Variants in NHP2 observed in about 807,000 individuals in gnomAD.
NHP2 encodes the protein NHP2 ribonucleoprotein.
Under a neutral mutation model 16.7 loss-of-function variants are expected in NHP2, and 10 were observed. The ratio of observed to expected loss-of-function variants is 0.60; its 90% CI spans 0.37 to 1.01. The LOEUF (loss-of-function observed/expected upper bound fraction) is 1.01. Ranked by LOEUF, NHP2 falls within the 50% of genes least tolerant of loss-of-function variation. The pLI is 0.01. For synonymous variants in NHP2, 87 were observed against 78.9 expected (o/e 1.10, Z -0.54); for missense variants, 184 against 198.3 (o/e 0.93, Z 0.43).
rs200781371 is a variant in NHP2 at position 178,149,702 on chromosome 5, A to G, written c.*11T>C. On this transcript the variant is annotated 3_prime_UTR_variant, in exon 4 of 4. Coordinates refer to ENST00000274606, the MANE Select transcript of NHP2 (RefSeq NM_017838.4). Reference sequence around the variant, plus strand: ...TTCCAGCGGCAGGTGCCCAGGTGCTACCGGAGCCCCTCATAGGGGTAGGGG... The same window carrying G: ...TTCCAGCGGCAGGTGCCCAGGTGCTGCCGGAGCCCCTCATAGGGGTAGGGG... 1 of 1,612,848 alleles carries G rather than the reference A, an allele frequency of 6.2e-7. No homozygotes were observed. Among genetic ancestry groups the G allele is most frequent in the Non-Finnish European group, 8.5e-7 (1 of 1,179,856 alleles).
chr5:178,152,517 T>C (rs1018500783), intron 2 of NHP2, among the ~76,000 whole-genome samples: 2 of 152,160 alleles, frequency 1.3e-5, no homozygotes, highest in African/African-American at 4.8e-5. Context: ...CTTGAGCACC[T>C]ACAGTTTCAC....
chr5:178,153,749 G>A lies in NHP2; in HGVS notation c.69C>T (p.Thr23=), dbSNP rs768774075. The change falls in exon 1 of 4, where the codon ACC becomes ACT. Residue 23 remains threonine (T), a synonymous_variant. Coordinates refer to ENST00000274606, the MANE Select transcript of NHP2 (RefSeq NM_017838.4). ...TCTGGTTGACCAGCAGCTCCTGGTA[G>A]GTGCGCTCCCCGGAACACGCCTCCG... ...AQAEACSGER[T]YQELLVNQNP... 5 of 1,613,564 alleles carry A rather than the reference G, an allele frequency of 3.1e-6. No homozygotes were observed. The highest frequency in any genetic ancestry group is 1.1e-5 in the South Asian group (1 of 91,048).
chr5:178,149,683 C>G lies in NHP2; in HGVS notation c.*30G>C, dbSNP rs766666396. Reference sequence around the variant, plus strand: ...CTGCTGCCAGCCCAATAGCTTCCAGCGGCAGGTGCCCAGGTGCTACCGGAG... The same window carrying G: ...CTGCTGCCAGCCCAATAGCTTCCAGGGGCAGGTGCCCAGGTGCTACCGGAG... On this transcript the variant is annotated 3_prime_UTR_variant, in exon 4 of 4. Transcript: ENST00000274606. 1 of 1,611,440 alleles carries G rather than the reference C, an allele frequency of 6.2e-7. No homozygotes were observed. Among genetic ancestry groups the G allele is most frequent in the Non-Finnish European group, 8.5e-7 (1 of 1,179,608 alleles).
Position 178,151,032 on chromosome 5 carries a change from C to T in NHP2, c.231-39G>A, listed in dbSNP as rs367675388. 45 of 1,556,902 alleles carry T rather than the reference C, an allele frequency of 2.9e-5. No homozygotes were observed. In the African/African-American group the frequency reaches 6.1e-4, roughly 21 times the overall value. ...AAACACTGTCATCTCTGGCTTGCTCCTTCCTTCTTTCAGTTTTAAGTGCTG... is the reference window on the plus strand; with the variant it reads ...AAACACTGTCATCTCTGGCTTGCTCTTTCCTTCTTTCAGTTTTAAGTGCTG... On this transcript the variant is annotated intron_variant, in intron 2 of 3. Transcript: ENST00000274606.
chr5:178,150,944 G>A lies in NHP2; in HGVS notation c.280C>T (p.Leu94Phe). 1.2e-6 allele frequency: 2 copies of A among 1,614,134 alleles called. No homozygotes were observed. The highest frequency in any genetic ancestry group is 1.7e-6 in the Non-Finnish European group (2 of 1,180,024). Reference sequence around the variant, plus strand: ...TTTCGGTCCTCACACATGACTGGGAGATGGCAGTATACCTCAATGGGCAGT... The same window carrying A: ...TTTCGGTCCTCACACATGACTGGGAAATGGCAGTATACCTCAATGGGCAGT... ...DTLPIEVYCHLPVMCEDRNLP... is the reference protein window; with the variant it reads ...DTLPIEVYCHFPVMCEDRNLP... Residue 94 changes from leucine (L) to phenylalanine (F), a missense_variant, in exon 3 of 4, where the codon CTC (leucine) becomes TTC (phenylalanine). By Grantham distance (22) the Leu-to-Phe change is conservative. Coordinates refer to ENST00000274606, the MANE Select transcript of NHP2 (RefSeq NM_017838.4).
chr5:178,150,942 G>T lies in NHP2; in HGVS notation c.282C>A (p.Leu94=). 1 of 1,614,154 alleles carries T rather than the reference G, an allele frequency of 6.2e-7. No homozygotes were observed. The highest frequency in any genetic ancestry group is 8.5e-7 in the Non-Finnish European group (1 of 1,180,024). ...DTLPIEVYCH[L]PVMCEDRNLP... is the part of the protein sequence containing the mutation. ...AATTTCGGTCCTCACACATGACTGG[G>T]AGATGGCAGTATACCTCAATGGGCA... Residue 94 remains leucine (L), a synonymous_variant, in exon 3 of 4, where the codon CTC becomes CTA. Transcript: ENST00000274606.
In NHP2 at chr5:178,151,011, A is replaced by G; in HGVS notation, c.231-18T>C. 1 of 1,585,988 alleles carries G rather than the reference A, an allele frequency of 6.3e-7. No homozygotes were observed. Reference sequence around the variant, plus strand: ...CCATGATCCTGAAATGAGAGAAAACACTGTCATCTCTGGCTTGCTCCTTCC... The same window carrying G: ...CCATGATCCTGAAATGAGAGAAAACGCTGTCATCTCTGGCTTGCTCCTTCC... On this transcript the variant is annotated intron_variant, in intron 2 of 3. Coordinates refer to ENST00000274606, the MANE Select transcript of NHP2 (RefSeq NM_017838.4).
chr5:178,151,466 C>T (rs1440982699), intron 2 of NHP2, among the ~76,000 whole-genome samples: 2 of 152,342 alleles, frequency 1.3e-5, no homozygotes, highest in Admixed American at 6.5e-5. Flanking sequence ...GCCAGAGACT[C>T]AGCCAGGGTT....
rs2113462057 is a variant in NHP2 at position 178,149,640 on chromosome 5, G to A, written c.*73C>T. The A allele has an allele frequency of 6.2e-7, 1 of 1,601,590 alleles. No individual in the cohort carries two copies. The highest frequency in any genetic ancestry group is 1.1e-5 in the South Asian group (1 of 90,016). On this transcript the variant is annotated 3_prime_UTR_variant, in exon 4 of 4. Coordinates refer to ENST00000274606, the MANE Select transcript of NHP2 (RefSeq NM_017838.4). ...AAGATGCCGTCAGTGTGGGTGGGCA[G>A]GAGGACAGCCAGTCGTCCTGCTGCC... is the stretch of plus-strand genomic sequence containing the variant.
At position 178,150,592 on chromosome 5, in the gene NHP2, A is replaced by G. The variant is rs187491451; in HGVS notation, c.336+296T>C. The G allele has an allele frequency of 2.3e-5, 12 of 523,656 alleles. No homozygotes were observed. In the Admixed American group the frequency reaches 3.1e-4, roughly 14 times the overall value. 32.4% of individuals were successfully genotyped at this position (523,656 alleles called of 1,614,324 possible). ...GAGATGGAGTCTCACTTTGTTGCGC[A>G]GGTTATTCCTGAACTCCTGTCCTCA... On this transcript the variant is annotated intron_variant, in intron 3 of 3. Transcript: ENST00000274606.
At chr5:178,151,972 A>G (rs964733364) in intron 2 of NHP2, among the ~76,000 whole-genome samples, 4 of 152,076 alleles carry the variant, frequency 2.6e-5, no homozygotes, top group Non-Finnish European at 5.9e-5. Flanking sequence ...CACTGTTCAC[A>G]TCTCAAGATT....
Position 178,153,849 on chromosome 5 carries a change from G to A in NHP2, c.-32C>T, listed in dbSNP as rs747239399. 1 of 1,591,694 alleles carries A rather than the reference G, an allele frequency of 6.3e-7. No homozygotes were observed. Among genetic ancestry groups the A allele is most frequent in the African/African-American group, 1.3e-5 (1 of 74,506 alleles). The stretch of plus-strand genomic sequence containing the variant: ...GGCCGCTGAAACCTAGTCCCAGGGA[G>A]GCGAGCCCACGCGGTCCACAGCTTT... On this transcript the variant is annotated 5_prime_UTR_variant, in exon 1 of 4. Coordinates refer to ENST00000274606, the MANE Select transcript of NHP2 (RefSeq NM_017838.4).
chr5:178,153,257 C>CAT, intron 2 of NHP2: 1 of 609,644 alleles, frequency 1.6e-6, no homozygotes, highest in Non-Finnish European at 3.0e-6. Context: ...TGGGTTTACT[C>CAT]TAAGGGACTT....
intron 3 of NHP2, 131 bp downstream of exon 3, chr5:178,150,757 G>T: frequency 1.3e-6 from 1 of 779,892 alleles, no homozygotes. Flanking sequence ...CTAAGAAGAT[G>T]TGGAGCTGAG....
chr5:178,152,542 C>T (rs1366367918), intron 2 of NHP2, among the ~76,000 whole-genome samples: 1 of 152,190 alleles, frequency 6.6e-6, no homozygotes, highest in African/African-American at 2.4e-5. Flanking sequence ...TGGGATAAAG[C>T]AAGGAGGCCC....
At position 178,153,760 on chromosome 5, in the gene NHP2, C is replaced by G. The variant is rs758590701; in HGVS notation, c.58G>C (p.Gly20Arg). ...GPEAQAEACS[G>R]ERTYQELLVN... ...AGCAGCTCCTGGTAGGTGCGCTCCC[C>G]GGAACACGCCTCCGCCTGAGCCTCG... is the stretch of plus-strand genomic sequence containing the variant. The change falls in exon 1 of 4, where the codon GGG (glycine) becomes CGG (arginine). Residue 20 changes from glycine to arginine, a missense_variant. Physicochemically the swap from Gly to Arg is moderately radical, Grantham distance 125 (BLOSUM62 -2). Coordinates refer to ENST00000274606, the MANE Select transcript of NHP2 (RefSeq NM_017838.4). 2 of 1,612,984 alleles carry G rather than the reference C, an allele frequency of 1.2e-6. No individual in the cohort carries two copies. The highest frequency in any genetic ancestry group is 1.1e-5 in the South Asian group (1 of 90,974).
intron 3 of NHP2, 174 bp from the exon 4 acceptor site, chr5:178,150,012 T>C (rs1234507022): frequency 1.6e-6 from 1 of 642,826 alleles, no homozygotes; most frequent in Non-Finnish European, 2.6e-6. Context: ...AATCAGACTT[T>C]GAAGGCATGG....
chr5:178,150,437 G>A (rs1756245874), intron 3 of NHP2: 3 of 346,938 alleles, frequency 8.6e-6, no homozygotes, highest in South Asian at 4.5e-5. Flanking sequence ...GGAGTGTGGT[G>A]GTGTATGATC....
chr5:178,153,590 C>T (rs763699560), intron 1 of NHP2, 30 bp from the exon 2 acceptor site: 1 of 1,612,966 alleles, frequency 6.2e-7, no homozygotes, highest in South Asian at 1.1e-5. Flanking sequence ...GGTCGGGGGC[C>T]TCGCTCAGCC....
Sources: allele counts gnomAD v4.1 joint callset (sites outside exome capture counted in the v4.1 genomes callset), GRCh38; gene constraint gnomAD v4.1.1; transcripts MANE v1.5; gene names NCBI Gene and HGNC (gene_info 2026-07-23, HGNC 2026-07-21).